NLGN1: variants seen among roughly 807,000 people sequenced by gnomAD.
The protein encoded by NLGN1 is neuroligin 1.
NLGN1 carries 12 observed loss-of-function variants against 65.5 expected under a neutral mutation model. The ratio of observed to expected loss-of-function variants is 0.18; its 90% CI spans 0.12 to 0.30. The LOEUF (loss-of-function observed/expected upper bound fraction) is 0.30. Among genes scored for constraint, NLGN1 ranks in the 10% least tolerant of loss-of-function variants. The probability of loss-of-function intolerance (pLI) is 1.00; values close to 1 mark genes in which losing one functional copy is unlikely to be tolerated. For synonymous variants in NLGN1, 350 were observed against 359.5 expected (o/e 0.97, Z 0.30); for missense variants, 750 against 1,007.1 (o/e 0.74, Z 3.46).
intron 2 of NLGN1, among the ~76,000 whole-genome samples, chr3:173,577,631 G>T (rs1386568460): frequency 6.6e-6 from 1 of 152,172 alleles, no homozygotes; most frequent in African/African-American, 2.4e-5. Context: ...AATTTCTTAT[G>T]CATTGAATGT....
chr3:174,026,700 A>G (rs1261993949), intron 4 of NLGN1, among the ~76,000 whole-genome samples: 1 of 152,174 alleles, frequency 6.6e-6, no homozygotes, highest in Non-Finnish European at 1.5e-5. Flanking sequence ...AGGATTTTAG[A>G]ATACTTATCA....
chr3:173,933,148 T>C (rs937785131), intron 4 of NLGN1, among the ~76,000 whole-genome samples: 1 of 152,004 alleles, frequency 6.6e-6, no homozygotes, highest in African/African-American at 2.4e-5. Context: ...CATTAAGTAA[T>C]TGAATGGGAA....
At chr3:173,708,889 T>C (rs1249196550) in intron 3 of NLGN1, among the ~76,000 whole-genome samples, 1 of 152,242 alleles carries the variant, frequency 6.6e-6, no homozygotes, top group Non-Finnish European at 1.5e-5. Flanking sequence ...AAAGTAAAGC[T>C]GTATTTTAAA....
At chr3:173,834,972 G>T (rs1292766100) in intron 4 of NLGN1, among the ~76,000 whole-genome samples, 1 of 152,188 alleles carries the variant, frequency 6.6e-6, no homozygotes, top group Non-Finnish European at 1.5e-5. Flanking sequence ...AAAGGCCATT[G>T]CTCTGTTGGC....
intron 4 of NLGN1, among the ~76,000 whole-genome samples, chr3:174,245,982 G>C (rs1367938120): frequency 6.6e-6 from 1 of 152,146 alleles, no homozygotes; most frequent in East Asian, 1.9e-4. Flanking sequence ...TTGATTCAAT[G>C]TACGTTTATT....
At chr3:173,539,668 C>CATATATACATATATGTGCATATGT (rs1560406286) in intron 2 of NLGN1, among the ~76,000 whole-genome samples, 1 of 66,052 alleles carries the variant, frequency 1.5e-5, no homozygotes, top group African/African-American at 3.7e-5. Context: ...TGTATATATG[C>CATATATACATATATGTGCATATGT]ACATATATAA....
chr3:174,243,598 T>A (rs986085906), intron 4 of NLGN1, among the ~76,000 whole-genome samples: 1 of 148,110 alleles, frequency 6.8e-6, no homozygotes, highest in Non-Finnish European at 1.5e-5. Context: ...TTTATACATT[T>A]CTAATATTTT....
intron 3 of NLGN1, among the ~76,000 whole-genome samples, chr3:173,766,961 G>T (rs191083331): frequency 6.6e-6 from 1 of 152,062 alleles, no homozygotes; most frequent in African/African-American, 2.4e-5. Flanking sequence ...AAACCGATCT[G>T]CTGTATTTCT....
intron 3 of NLGN1, among the ~76,000 whole-genome samples, chr3:173,729,924 T>C (rs559830841): frequency 6.6e-6 from 1 of 152,132 alleles, no homozygotes; most frequent in African/African-American, 2.4e-5. Context: ...GTTTCAGATA[T>C]TTCACCTATG....
chr3:173,765,314 A>C (rs1778610930), intron 3 of NLGN1, among the ~76,000 whole-genome samples: 3 of 152,146 alleles, frequency 2.0e-5, no homozygotes, highest in Admixed American at 2.0e-4. Context: ...CATTGGGTTG[A>C]TAATAAAAGG....
At chr3:173,733,743 C>G (rs904403427) in intron 3 of NLGN1, among the ~76,000 whole-genome samples, 1 of 152,066 alleles carries the variant, frequency 6.6e-6, no homozygotes, top group African/African-American at 2.4e-5. Flanking sequence ...TTTATTCAGT[C>G]TTCAAAAATG....
intron 4 of NLGN1, among the ~76,000 whole-genome samples, chr3:173,899,993 ATTTTCCT>A (rs1737040493): frequency 6.6e-6 from 1 of 152,052 alleles, no homozygotes; most frequent in South Asian, 2.1e-4. Flanking sequence ...ATGTGTTCAG[ATTTTCCT>A]TTTTCCTTTC....
chr3:174,159,167 CTA>C (rs965362464), intron 4 of NLGN1, among the ~76,000 whole-genome samples: 26 of 151,658 alleles, frequency 1.7e-4, no homozygotes, highest in African/African-American at 6.3e-4. Context: ...GAAATGGCTA[CTA>C]CCATAGAAGC....
In NLGN1 at chr3:174,095,104, C is replaced by G. The variant is rs979112848; in HGVS notation, c.647-180211C>G. On this transcript the variant is annotated intron_variant, in intron 4 of 6. Transcript: ENST00000457714. ...GATAAGCCTTTTCCTGCCTGAGTAC[C>G]TGTTTCATGATGTTTCTTTATAGTC... 2.6e-5 allele frequency among the ~76,000 whole-genome samples: 4 copies of G among 151,934 alleles called. 1 individual carries two copies. Among genetic ancestry groups the G allele is most frequent in the Admixed American group, 6.6e-5 (1 of 15,232 alleles).
chr3:173,983,910 G>A (rs184248098), intron 4 of NLGN1, among the ~76,000 whole-genome samples: 13 of 151,996 alleles, frequency 8.6e-5, no homozygotes, highest in Middle Eastern at 3.4e-3. Context: ...TGTCTTATTC[G>A]CTGATATATT....
intron 3 of NLGN1, among the ~76,000 whole-genome samples, chr3:173,697,146 C>T (rs944224464): frequency 6.6e-6 from 1 of 152,140 alleles, no homozygotes; most frequent in African/African-American, 2.4e-5. Flanking sequence ...TTTTATGCTG[C>T]CTTCTACTCA....
intron 2 of NLGN1, among the ~76,000 whole-genome samples, chr3:173,441,166 G>A (rs957605215): frequency 3.9e-5 from 6 of 152,174 alleles, no homozygotes; most frequent in African/African-American, 1.4e-4. Flanking sequence ...GGGCCTTGCT[G>A]TGGGTTAGGC....
chr3:173,869,119 A>C (rs530078461), intron 4 of NLGN1, among the ~76,000 whole-genome samples: 1 of 152,286 alleles, frequency 6.6e-6, no homozygotes, highest in East Asian at 1.9e-4. Flanking sequence ...GTTAATTCCA[A>C]CTGCAGAAGA....
At chr3:173,950,804 G>A (rs1478828221) in intron 4 of NLGN1, among the ~76,000 whole-genome samples, 6 of 143,216 alleles carry the variant, frequency 4.2e-5, no homozygotes, top group Non-Finnish European at 9.1e-5. Context: ...GTAAGACTTC[G>A]TCTCAAAAAA....
Sources: allele counts gnomAD v4.1 joint callset (sites outside exome capture counted in the v4.1 genomes callset), GRCh38; gene constraint gnomAD v4.1.1; transcripts MANE v1.5; gene names NCBI Gene and HGNC (gene_info 2026-07-23, HGNC 2026-07-21).